The following TPD52 variants were observed in gnomAD, a reference collection of about 807,000 sequenced individuals.
The protein encoded by TPD52 is tumor protein D52.
TPD52 carries 17 observed loss-of-function variants against 31.3 expected under a neutral mutation model. The ratio of observed to expected loss-of-function variants is 0.54; its 90% CI spans 0.37 to 0.82. The LOEUF is 0.82. Ranked by LOEUF, TPD52 falls within the 40% of genes least tolerant of loss-of-function variation. The pLI, the probability that TPD52 is intolerant of heterozygous loss-of-function variation, is 0.00. For synonymous variants in TPD52, 83 were observed against 89.6 expected (o/e 0.93, Z 0.42); for missense variants, 212 against 240.1 (o/e 0.88, Z 0.77).
At chr8:80,051,812 CCTAAGCTCAGGCACA>C (rs1485572888) in intron 3 of TPD52, 184 bp from the exon 4 acceptor site, 3 of 543,472 alleles carry the variant, frequency 5.5e-6, no homozygotes, top group Non-Finnish European at 9.6e-6. Flanking sequence ...TATGCTCAAC[CCTAAGCTCAGGCACA>C]ATCTTCTGCA....
rs1343346538 is a variant in TPD52, at chr8:80,171,507, T to G, written c.-64A>C. 6.6e-7 allele frequency: 1 copy of G among 1,508,522 alleles called. No individual in the cohort carries two copies. The highest frequency in any genetic ancestry group is 8.8e-7 in the Non-Finnish European group (1 of 1,141,822). 93.4% of individuals were successfully genotyped at this position (1,508,522 alleles called of 1,614,324 possible). A position where few individuals can be genotyped will look rare whatever the true frequency, so the allele number is the denominator to read the frequency against. On this transcript the variant is annotated 5_prime_UTR_variant, in exon 1 of 8. Coordinates refer to ENST00000518937, the MANE Select transcript of TPD52 (RefSeq NM_001025253.3). ...CGCCTGCAGCCCGTCCCGGCTCGGA[T>G]CGCCCGCCGCGCCGCGCAGAGCTCC...
At chr8:80,076,385 T>C (rs1814537448) in intron 1 of TPD52, among the ~76,000 whole-genome samples, 1 of 152,180 alleles carries the variant, frequency 6.6e-6, no homozygotes, top group Non-Finnish European at 1.5e-5. Context: ...CCATTATCCT[T>C]AGCAAACTAA....
intron 1 of TPD52, among the ~76,000 whole-genome samples, chr8:80,090,997 TC>T (rs1186020361): frequency 2.0e-5 from 3 of 152,234 alleles, no homozygotes; most frequent in Non-Finnish European, 2.9e-5. Flanking sequence ...ACACAGTGTT[TC>T]CTTCAAATAC....
intron 1 of TPD52, among the ~76,000 whole-genome samples, chr8:80,069,654 A>G (rs1813549159): frequency 1.4e-5 from 2 of 145,740 alleles, no homozygotes; most frequent in Admixed American, 1.4e-4. Flanking sequence ...AAAAGATTTA[A>G]AACTTAAGTT....
chr8:80,064,332 C>T, intron 2 of TPD52, 146 bp downstream of exon 2: 1 of 668,564 alleles, frequency 1.5e-6, no homozygotes, highest in Non-Finnish European at 2.6e-6. Context: ...TCTCCTCTCC[C>T]CTACTCAAGA....
At chr8:80,112,604 T>G (rs1807574157) in intron 1 of TPD52, among the ~76,000 whole-genome samples, 1 of 152,214 alleles carries the variant, frequency 6.6e-6, no homozygotes, top group Non-Finnish European at 1.5e-5. Flanking sequence ...TAGAGTTTAT[T>G]GGGCTAGTTA....
At chr8:80,147,254 G>A (rs1388408181) in intron 1 of TPD52, among the ~76,000 whole-genome samples, 1 of 152,184 alleles carries the variant, frequency 6.6e-6, no homozygotes, top group Admixed American at 6.5e-5. Flanking sequence ...TACTGCAGGT[G>A]CTAGGGAGGA....
At chr8:80,115,854 C>CA (rs142317311) in intron 1 of TPD52, among the ~76,000 whole-genome samples, 4,490 of 151,890 alleles carry the variant, frequency 0.03, 196 homozygotes, top group African/African-American at 0.096. Flanking sequence ...TTCCGTATGG[C>CA]AAAAAATGTT....
intron 2 of TPD52, among the ~76,000 whole-genome samples, chr8:80,055,373 G>A (rs995781898): frequency 4.6e-5 from 7 of 152,108 alleles, no homozygotes; most frequent in Admixed American, 2.6e-4. Flanking sequence ...AAAGCATAAA[G>A]AGCATGATTA....
At chr8:80,078,891 A>G (rs1052495178) in intron 1 of TPD52, among the ~76,000 whole-genome samples, 1 of 152,162 alleles carries the variant, frequency 6.6e-6, no homozygotes, top group African/African-American at 2.4e-5. Flanking sequence ...AGCCATGACC[A>G]TAACTTGGAA....
intron 1 of TPD52, among the ~76,000 whole-genome samples, chr8:80,124,412 G>A (rs1177392298): frequency 6.6e-6 from 1 of 152,012 alleles, no homozygotes; most frequent in Non-Finnish European, 1.5e-5. Flanking sequence ...GGCTCAAGCA[G>A]TCCACCCTCC....
At chr8:80,039,314 A>C (rs1810157760) in intron 7 of TPD52, among the ~76,000 whole-genome samples, 1 of 152,090 alleles carries the variant, frequency 6.6e-6, no homozygotes, top group Admixed American at 6.5e-5. Context: ...CCCCTTCTCT[A>C]TTCTTTTTTA....
At chr8:80,051,843 C>A in intron 3 of TPD52, 1 of 456,756 alleles carries the variant, frequency 2.2e-6, no homozygotes. Context: ...CTGCAGTGCC[C>A]TAGTCCAGCC....
rs1291945991 is a variant in TPD52 at position 80,038,131 on chromosome 8, T to C, written c.609A>G (p.Thr203=). The part of the protein sequence containing the change: ...ATTTEPLPEK[T]QESL ...GGTAGGAATCTCACAGGCTCTCCTG[T>C]GTCTTTTCTGGAAGAGGCTCCGTGG... The change falls in exon 8 of 8, where the codon ACA becomes ACG. Residue 203 remains threonine, a synonymous_variant. Coordinates refer to ENST00000518937, the MANE Select transcript of TPD52 (RefSeq NM_001025253.3). The C allele has an allele frequency of 5.6e-6, 9 of 1,614,174 alleles. No individual in the cohort carries two copies. The South Asian group carries it at 7.7e-5, about 14-fold the overall frequency.
chr8:80,163,958 C>A (rs919741795), intron 1 of TPD52, among the ~76,000 whole-genome samples: 2 of 147,454 alleles, frequency 1.4e-5, no homozygotes, highest in African/African-American at 5.0e-5. Context: ...TACAGTATAA[C>A]CCTAATGAAC....
chr8:80,126,516 CTG>C (rs1040704117), intron 1 of TPD52, among the ~76,000 whole-genome samples: 8 of 137,080 alleles, frequency 5.8e-5, no homozygotes, highest in African/African-American at 1.9e-4. Context: ...GGGTCTCACT[CTG>C]TTACCCAGGC....
At position 80,171,482 on chromosome 8, in the gene TPD52, C is replaced by T; in HGVS notation, c.-39G>A. 6.4e-7 allele frequency: 1 copy of T among 1,557,824 alleles called. No homozygotes were observed. The highest frequency in any genetic ancestry group is 8.6e-7 in the Non-Finnish European group (1 of 1,164,028). Reference sequence around the variant, plus strand: ...CGCCTCGTGTCCTCTGCAGCACCCCCGCCTGCAGCCCGTCCCGGCTCGGAT... The same window carrying T: ...CGCCTCGTGTCCTCTGCAGCACCCCTGCCTGCAGCCCGTCCCGGCTCGGAT... On this transcript the variant is annotated 5_prime_UTR_variant, in exon 1 of 8. Coordinates refer to ENST00000518937, the MANE Select transcript of TPD52 (RefSeq NM_001025253.3).
intron 1 of TPD52, among the ~76,000 whole-genome samples, chr8:80,147,381 G>A (rs1226689229): frequency 6.6e-6 from 1 of 152,032 alleles, no homozygotes; most frequent in African/African-American, 2.4e-5. Flanking sequence ...ATCACAAAAA[G>A]CACAAAAAAC....
chr8:80,144,895 A>G (rs1810087787), intron 1 of TPD52, among the ~76,000 whole-genome samples: 1 of 152,202 alleles, frequency 6.6e-6, no homozygotes. Context: ...CCAAAAAAAA[A>G]AACCTAATAA....
Sources: allele counts gnomAD v4.1 joint callset (sites outside exome capture counted in the v4.1 genomes callset), GRCh38; gene constraint gnomAD v4.1.1; transcripts MANE v1.5; gene names NCBI Gene and HGNC (gene_info 2026-07-23, HGNC 2026-07-21).